The following RGL1 variants were observed in gnomAD, a reference collection of about 807,000 sequenced individuals.
RGL1 encodes ral guanine nucleotide dissociation stimulator-like 1.
RGL1 carries 24 observed loss-of-function variants against 95.2 expected under a neutral mutation model. That is an observed-to-expected ratio of 0.25 (90% CI 0.18 to 0.35). The LOEUF (loss-of-function observed/expected upper bound fraction) is 0.35, where lower values mean the gene tolerates loss of function less well. RGL1 is among the 10% of genes least tolerant of loss of function. The pLI, the probability that RGL1 is intolerant of heterozygous loss-of-function variation, is 1.00. For synonymous variants in RGL1, 329 were observed against 344.9 expected, an observed-to-expected ratio of 0.95 and a Z score of 0.51; for missense variants, 715 against 936.3, an observed-to-expected ratio of 0.76 and a Z score of 3.08.
rs1291832883 is a variant in RGL1, at chr1:183,926,763, T to C, written c.*471T>C. The C allele has an allele frequency of 6.6e-6, 1 of 152,640 alleles. No individual in the cohort carries two copies. The highest frequency in any genetic ancestry group is 2.4e-5 in the African/African-American group (1 of 41,444). The allele number at this position is 152,640 out of a possible 1,614,324, so 9.5% of individuals were successfully genotyped here. A position where few individuals can be genotyped will look rare whatever the true frequency, so the allele number is the denominator to read the frequency against. On this transcript the variant is annotated 3_prime_UTR_variant, in exon 18 of 18. Coordinates refer to ENST00000360851, the MANE Select transcript of RGL1 (RefSeq NM_001297671.3). ...AGTCCTGGGAATAGAGAGTGTCCTT[T>C]GTGCCAGTATTACAAGAAGCCCAAA...
chr1:183,869,070 A>T (rs1666009836), intron 4 of RGL1, among the ~76,000 whole-genome samples: 1 of 152,222 alleles, frequency 6.6e-6, no homozygotes, highest in Non-Finnish European at 1.5e-5. Flanking sequence ...GTGAGCCATG[A>T]TCGTGCCACT....
In RGL1 at chr1:183,916,487, T is replaced by C. The variant is rs562339075; in HGVS notation, c.1790T>C (p.Met597Thr). The stretch of plus-strand genomic sequence containing the variant: ...TCATCCTGTTCTTCTATCCATTCCA[T>C]GGACACAAATTCCTCAGGGATGTCT... ...SSSSCSSIHS[M>T]DTNSSGMSSL... The change falls in exon 16 of 18, where the codon ATG becomes ACG. Residue 597 changes from methionine to threonine, a missense_variant. Coordinates refer to ENST00000360851, the MANE Select transcript of RGL1 (RefSeq NM_001297671.3). 5.0e-6 allele frequency: 8 copies of C among 1,614,112 alleles called. No homozygotes were observed. The South Asian group carries it at 8.8e-5, about 18-fold the overall frequency.
At chr1:183,866,990 G>A (rs939994725) in intron 4 of RGL1, among the ~76,000 whole-genome samples, 1 of 152,166 alleles carries the variant, frequency 6.6e-6, no homozygotes, top group African/African-American at 2.4e-5. Flanking sequence ...GAGGCCAGAT[G>A]CTTCCCAGGG....
chr1:183,820,380 G>A (rs977609613), intron 2 of RGL1, among the ~76,000 whole-genome samples: 1 of 152,186 alleles, frequency 6.6e-6, no homozygotes, highest in Non-Finnish European at 1.5e-5. Flanking sequence ...GTTTTAAGGT[G>A]ATAATGCTTA....
chr1:183,910,567 C>G (rs1668587828), intron 14 of RGL1, among the ~76,000 whole-genome samples: 1 of 152,212 alleles, frequency 6.6e-6, no homozygotes, highest in Admixed American at 6.5e-5. Context: ...CCATCCTCTC[C>G]ATGTCTTCTG....
chr1:183,728,829 G>A (rs941593869), intron 1 of RGL1, among the ~76,000 whole-genome samples: 5 of 152,120 alleles, frequency 3.3e-5, no homozygotes, highest in African/African-American at 1.2e-4. Flanking sequence ...AGAAATAGAC[G>A]AGCATGTGTA....
At chr1:183,801,217 C>A (rs999601264), upstream of RGL1, among the ~76,000 whole-genome samples, 1 of 151,438 alleles carries the variant, frequency 6.6e-6, no homozygotes, top group Admixed American at 6.6e-5. Flanking sequence ...GGTTACATCT[C>A]ATTATGGTTT....
intron 4 of RGL1, among the ~76,000 whole-genome samples, chr1:183,874,115 T>A: frequency 6.6e-6 from 1 of 152,188 alleles, no homozygotes; most frequent in South Asian, 2.1e-4. Context: ...ATTGACTACT[T>A]AGTAGGAATG....
chr1:183,851,915 C>T (rs2102550944), intron 3 of RGL1, among the ~76,000 whole-genome samples: 1 of 152,216 alleles, frequency 6.6e-6, no homozygotes, highest in South Asian at 2.1e-4. Flanking sequence ...TATAAACTTG[C>T]CTATTCTGAA....
intron 1 of RGL1, among the ~76,000 whole-genome samples, chr1:183,705,171 G>A (rs988110550): frequency 2.0e-5 from 3 of 152,068 alleles, no homozygotes; most frequent in African/African-American, 7.2e-5. Context: ...GTGAAGGAGG[G>A]AACTCAGAGC....
Position 183,805,246 on chromosome 1 carries a change from C to T in RGL1, c.-52C>T, listed in dbSNP as rs185293543. On this transcript the variant is annotated 5_prime_UTR_variant, in exon 1 of 18. Transcript: ENST00000360851. Reference sequence around the variant, plus strand: ...TGAGCCCAGCAGACATTGCGTTGGCCTCCGAGCAGGGCGCATCATGCAGCG... The same window carrying T: ...TGAGCCCAGCAGACATTGCGTTGGCTTCCGAGCAGGGCGCATCATGCAGCG... 56 of 1,604,478 alleles carry T rather than the reference C, an allele frequency of 3.5e-5. No individual in the cohort carries two copies. The African/African-American group carries it at 6.9e-4, about 20-fold the overall frequency.
At chr1:183,915,097 AAACT>A (rs1668882355) in intron 15 of RGL1, among the ~76,000 whole-genome samples, 1 of 152,206 alleles carries the variant, frequency 6.6e-6, no homozygotes, top group Non-Finnish European at 1.5e-5. Context: ...GGCTGGCTGT[AAACT>A]AACTGTGCAA....
chr1:183,760,594 C>A (rs2209690), intron 2 of RGL1, among the ~76,000 whole-genome samples: 10,222 of 89,758 alleles, frequency 0.11, 590 homozygotes, highest in Non-Finnish European at 0.14. Context: ...AAAAAAAAAA[C>A]AAACCTGGGT....
intron 7 of RGL1, among the ~76,000 whole-genome samples, chr1:183,885,450 C>T (rs919678398): frequency 6.6e-6 from 1 of 152,172 alleles, no homozygotes; most frequent in East Asian, 1.9e-4. Context: ...ACAGAGATCT[C>T]ATATTAATCT....
At chr1:183,670,783 A>G (rs976713604) in intron 1 of RGL1, among the ~76,000 whole-genome samples, 2 of 152,236 alleles carry the variant, frequency 1.3e-5, no homozygotes, top group Non-Finnish European at 2.9e-5. Context: ...AGCTCCTTAC[A>G]TGCTGAACCA....
At chr1:183,695,426 G>A (rs1289551508) in intron 1 of RGL1, among the ~76,000 whole-genome samples, 1 of 152,116 alleles carries the variant, frequency 6.6e-6, no homozygotes, top group Non-Finnish European at 1.5e-5. Context: ...AATGCTTCCA[G>A]TATTATGATT....
At chr1:183,788,519 G>A (rs1415524915) in intron 2 of RGL1, among the ~76,000 whole-genome samples, 1 of 152,192 alleles carries the variant, frequency 6.6e-6, no homozygotes, top group Non-Finnish European at 1.5e-5. Context: ...ACACTCATTG[G>A]CTCAGTCAAG....
At chr1:183,798,878 CTTTT>C (rs35765152) in intron 2 of RGL1, among the ~76,000 whole-genome samples, 10 of 88,172 alleles carry the variant, frequency 1.1e-4, no homozygotes, top group African/African-American at 4.7e-4. Flanking sequence ...GCAGGATTTC[CTTTT>C]TTTTTTTTTT....
At chr1:183,918,612 G>A (rs143866009) in intron 16 of RGL1, among the ~76,000 whole-genome samples, 3 of 152,356 alleles carry the variant, frequency 2.0e-5, no homozygotes, top group South Asian at 2.1e-4. Context: ...CCCAGGAGGA[G>A]TCACAGGTTG....
Sources: allele counts gnomAD v4.1 joint callset (sites outside exome capture counted in the v4.1 genomes callset), GRCh38; gene constraint gnomAD v4.1.1; transcripts MANE v1.5; gene names NCBI Gene and HGNC (gene_info 2026-07-23, HGNC 2026-07-21).